Variants in CDK13 observed in about 807,000 individuals in gnomAD.
CDK13 encodes cyclin-dependent kinase 13.
A neutral mutation model predicts 137.6 loss-of-function variants in CDK13; 40 were observed. The observed-to-expected ratio is 0.29, with a 90% CI of 0.23 to 0.38. The LOEUF is 0.38. Among genes scored for constraint, CDK13 ranks in the 10% least tolerant of loss-of-function variants. The pLI, the probability that CDK13 is intolerant of heterozygous loss-of-function variation, is 1.00. For synonymous variants in CDK13, 869 were observed against 760.1 expected (o/e 1.14, Z -2.36); for missense variants, 1,704 against 1,951.8 (o/e 0.87, Z 2.39).
At chr7:40,081,568 A>G (rs1786663777) in intron 11 of CDK13, among the ~76,000 whole-genome samples, 1 of 152,232 alleles carries the variant, frequency 6.6e-6, no homozygotes, top group Non-Finnish European at 1.5e-5. Flanking sequence ...ACTGTATCAT[A>G]TATTTTAAAA....
intron 11 of CDK13, among the ~76,000 whole-genome samples, chr7:40,079,890 C>T (rs1027674852): frequency 1.3e-5 from 2 of 152,152 alleles, no homozygotes; most frequent in African/African-American, 4.8e-5. Flanking sequence ...CCTGTTATTT[C>T]TCTAGGATTG....
intron 7 of CDK13, chr7:40,061,424 G>A (rs1315990693): frequency 3.9e-5 from 6 of 152,134 alleles, no homozygotes; most frequent in African/African-American, 1.4e-4. Context: ...AAGTTATTTG[G>A]AGAAATTTGG....
At chr7:40,047,086 GT>G (rs1482742668) in intron 6 of CDK13, among the ~76,000 whole-genome samples, 1 of 149,322 alleles carries the variant, frequency 6.7e-6, no homozygotes, top group Non-Finnish European at 1.5e-5. Context: ...TGACTTTTCT[GT>G]TTGCTATTAT....
Position 39,996,983 on chromosome 7 carries a change from A to AAAAAAAAAAAT in CDK13, c.1872-506_1872-505insAAAAATAAAAA, listed in dbSNP as rs1562719391. 1.4e-5 allele frequency among the ~76,000 whole-genome samples: 2 copies of AAAAAAAAAAAT among 141,434 alleles called. 1 individual carries two copies. Among genetic ancestry groups the AAAAAAAAAAAT allele is most frequent in the African/African-American group, 6.0e-5 (2 of 33,514 alleles). 92.8% of individuals were successfully genotyped at this position (141,434 alleles called of 152,430 possible). ...TCTCAAAAAAAAAAAAAAAGAAAAA[A>AAAAAAAAAAAT]AAAAAGAAAAATGCTTTGCAAAACT... On this transcript the variant is annotated intron_variant, in intron 2 of 13. Transcript: ENST00000181839.
chr7:39,964,587 A>AG (rs1783825444), intron 1 of CDK13, among the ~76,000 whole-genome samples: 1 of 142,078 alleles, frequency 7.0e-6, no homozygotes, highest in Non-Finnish European at 1.5e-5. Context: ...GGATTCATTG[A>AG]TTTTTTTTTT....
chr7:40,008,675 G>A (rs928158452), intron 5 of CDK13, among the ~76,000 whole-genome samples: 3 of 152,096 alleles, frequency 2.0e-5, no homozygotes, highest in African/African-American at 7.2e-5. Flanking sequence ...TGTAAACTAT[G>A]TATCTTTTTT....
intron 1 of CDK13, among the ~76,000 whole-genome samples, chr7:39,979,256 G>A (rs1001305058): frequency 9.1e-6 from 1 of 110,002 alleles, no homozygotes; most frequent in Non-Finnish European, 1.8e-5. Flanking sequence ...CGCTCTTGTT[G>A]CCCAGGCTGG....
rs537086765 is a variant in CDK13, at chr7:39,950,750, C to T, written c.109C>T (p.Pro37Ser). 5 of 1,474,988 alleles carry T rather than the reference C, an allele frequency of 3.4e-6. No homozygotes were observed. The highest frequency in any genetic ancestry group is 1.3e-5 in the South Asian group (1 of 77,372). The allele number at this position is 1,474,988 out of a possible 1,614,324, so 91.4% of individuals were successfully genotyped here. The change falls in exon 1 of 14, where the codon CCG becomes TCG. Residue 37 changes from proline (P) to serine (S), a missense_variant. Physicochemically the swap from Pro to Ser is moderately conservative, Grantham distance 74 (BLOSUM62 -1). This residue lies in a region of CDK13 where 1,051 missense variants were observed against 931.0 expected (regional missense o/e 1.13). Transcript: ENST00000181839. ...GAGGCGATTCCTGTCCCCTCAGCAG[C>T]CGCCGCTGCTGTTGCCGCTCCTGCA... ...KRRRFLSPQQ[P>S]PLLLPLLQPQ... is the part of the protein sequence containing the mutation.
At chr7:40,007,433 T>G (rs143324341) in intron 5 of CDK13, among the ~76,000 whole-genome samples, 102 of 152,298 alleles carry the variant, frequency 6.7e-4, no homozygotes, top group Middle Eastern at 3.4e-3. Context: ...TGCTTTGGTT[T>G]GTTTTTGTTT....
chr7:40,096,157 G>C lies in CDK13; in HGVS notation c.*1177G>C, dbSNP rs563883629. On this transcript the variant is annotated 3_prime_UTR_variant, in exon 14 of 14. Transcript: ENST00000181839. ...AGGGGTGGCAAATACCGTATTTTAA[G>C]TTATGCAATTGCCCTTTTAAGAAAG... 1 of 152,230 alleles carries C rather than the reference G, an allele frequency of 6.6e-6. No homozygotes were observed. The highest frequency in any genetic ancestry group is 2.4e-5 in the African/African-American group (1 of 41,558). The allele number at this position is 152,230 out of a possible 1,614,324, so 9.4% of individuals were successfully genotyped here. A position where few individuals can be genotyped will look rare whatever the true frequency, so the allele number is the denominator to read the frequency against.
chr7:40,084,109 C>T (rs965832809), intron 11 of CDK13, among the ~76,000 whole-genome samples: 1 of 152,136 alleles, frequency 6.6e-6, no homozygotes, highest in African/African-American at 2.4e-5. Flanking sequence ...CTTTGGGAGG[C>T]CGAGGCGGAC....
Position 40,018,758 on chromosome 7 carries a change from G to A in CDK13, c.2353+16727G>A, listed in dbSNP as rs117104568. On this transcript the variant is annotated intron_variant, in intron 5 of 13. Transcript: ENST00000181839. Reference sequence around the variant, plus strand: ...ATAAAGGATGCTGGAGACTCAGAAAGGGGGAGAGTGGGAGGCAGGGTACAG... The same window carrying A: ...ATAAAGGATGCTGGAGACTCAGAAAAGGGGAGAGTGGGAGGCAGGGTACAG... Among the ~76,000 whole-genome samples, 166 of 152,242 alleles carry A rather than the reference G, an allele frequency of 1.1e-3. 5 individuals carry two copies. The East Asian group carries it at 0.029, about 26-fold the overall frequency.
At chr7:40,062,592 A>G (rs1158095049) in intron 7 of CDK13, 3 of 433,970 alleles carry the variant, frequency 6.9e-6, no homozygotes, top group Non-Finnish European at 1.2e-5. Context: ...TCAGTCAACT[A>G]CTTTTTGTTT....
At chr7:40,032,180 C>T (rs530483053) in intron 5 of CDK13, among the ~76,000 whole-genome samples, 7 of 152,306 alleles carry the variant, frequency 4.6e-5, no homozygotes, top group African/African-American at 1.7e-4. Flanking sequence ...CCTCAGCCTC[C>T]TGAGTAGCTG....
At chr7:39,979,876 T>A (rs1784188099) in intron 1 of CDK13, among the ~76,000 whole-genome samples, 2 of 152,168 alleles carry the variant, frequency 1.3e-5, no homozygotes, top group African/African-American at 4.8e-5. Flanking sequence ...AATGTCATGA[T>A]GAAAGTAGAG....
chr7:39,970,663 G>C (rs1017735173), intron 1 of CDK13, among the ~76,000 whole-genome samples: 30 of 151,962 alleles, frequency 2.0e-4, no homozygotes, highest in African/African-American at 7.2e-4. Flanking sequence ...ATTTCACCCT[G>C]TTGGCCAGGC....
chr7:39,994,417 C>G (rs1223481330), intron 2 of CDK13, among the ~76,000 whole-genome samples: 1 of 152,042 alleles, frequency 6.6e-6, no homozygotes, highest in East Asian at 1.9e-4. Flanking sequence ...ATATCTGTTT[C>G]TCTACTTTCT....
chr7:40,021,265 G>A (rs1416509564), intron 5 of CDK13, among the ~76,000 whole-genome samples: 1 of 152,114 alleles, frequency 6.6e-6, no homozygotes, highest in Admixed American at 6.5e-5. Flanking sequence ...GGGAGGCTGA[G>A]GCGGGTGGAT....
intron 9 of CDK13, among the ~76,000 whole-genome samples, chr7:40,076,485 G>A (rs1230946348): frequency 6.6e-6 from 1 of 152,140 alleles, no homozygotes; most frequent in Non-Finnish European, 1.5e-5. Context: ...ATGAGACTAG[G>A]AAGGCAGATT....
Sources: allele counts gnomAD v4.1 joint callset (sites outside exome capture counted in the v4.1 genomes callset), GRCh38; gene constraint gnomAD v4.1.1; regional missense constraint gnomAD v4.1.1; transcripts MANE v1.5; gene names NCBI Gene and HGNC (gene_info 2026-07-23, HGNC 2026-07-21).